Variants in STX2 observed in about 807,000 individuals in gnomAD.
STX2 encodes the protein syntaxin 2, also known as syntaxin-2.
Under a neutral mutation model 40.6 loss-of-function variants are expected in STX2, and 27 were observed. That is an observed-to-expected ratio of 0.66 (90% CI 0.49 to 0.92). The LOEUF (loss-of-function observed/expected upper bound fraction) is 0.92, where lower values mean the gene tolerates loss of function less well. Among genes scored for constraint, STX2 ranks in the 40% least tolerant of loss-of-function variants. STX2 has a pLI of 0.00. For missense variants in STX2, 328 were observed against 366.1 expected (o/e 0.90, Z 0.85); for synonymous variants, 123 against 119.1 (o/e 1.03, Z -0.22).
chr12:130,798,350 T>G (rs1260384443), intron 9 of STX2, 175 bp downstream of exon 9: 1 of 464,502 alleles, frequency 2.2e-6, no homozygotes, highest in Non-Finnish European at 3.6e-6. Flanking sequence ...TACAAATAAT[T>G]CATCTAATAA....
chr12:130,827,024 G>A (rs1952339845), intron 2 of STX2, among the ~76,000 whole-genome samples, 169 bp downstream of exon 2: 1 of 135,654 alleles, frequency 7.4e-6, no homozygotes, highest in African/African-American at 2.7e-5. Context: ...ACAAGAAAAA[G>A]AAAAGGAAAA....
chr12:130,831,574 G>C (rs1436796974), intron 1 of STX2, among the ~76,000 whole-genome samples: 1 of 152,100 alleles, frequency 6.6e-6, no homozygotes. Context: ...GGAGACTGAG[G>C]CTGTAGTGAG....
At chr12:130,814,516 C>A (rs928593509) in intron 3 of STX2, among the ~76,000 whole-genome samples, 2 of 151,636 alleles carry the variant, frequency 1.3e-5, no homozygotes, top group Admixed American at 1.3e-4. Flanking sequence ...TACAGGCTGC[C>A]TGGGCAGGAG....
chr12:130,829,507 C>T (rs1351645851), intron 1 of STX2, among the ~76,000 whole-genome samples: 1 of 124,302 alleles, frequency 8.0e-6, no homozygotes, highest in Non-Finnish European at 1.8e-5. Context: ...AGCTGTGCTG[C>T]GGAGCCCCAC....
chr12:130,805,595 G>A (rs1951402179), intron 6 of STX2, among the ~76,000 whole-genome samples: 1 of 152,210 alleles, frequency 6.6e-6, no homozygotes, highest in Admixed American at 6.5e-5. Context: ...AGGGTGCCAT[G>A]AGGTTCACGG....
chr12:130,807,175 C>A, intron 5 of STX2, 85 bp from the exon 6 acceptor site: 2 of 1,288,232 alleles, frequency 1.6e-6, no homozygotes, highest in South Asian at 2.4e-5. Context: ...TTTGGAAACT[C>A]AAACTACATG....
intron 3 of STX2, among the ~76,000 whole-genome samples, chr12:130,820,820 G>C (rs1354094458): frequency 6.6e-6 from 1 of 152,210 alleles, no homozygotes; most frequent in East Asian, 1.9e-4. Context: ...AAGGCGGCCT[G>C]TGTCGTGGAG....
intron 3 of STX2, among the ~76,000 whole-genome samples, chr12:130,817,339 C>A (rs935351555): frequency 3.9e-5 from 6 of 152,124 alleles, no homozygotes; most frequent in African/African-American, 1.2e-4. Context: ...AAGAAAGATT[C>A]CCTGACCTGA....
chr12:130,823,985 T>C (rs1024309662), intron 2 of STX2, among the ~76,000 whole-genome samples: 1 of 152,200 alleles, frequency 6.6e-6, no homozygotes, highest in Non-Finnish European at 1.5e-5. Flanking sequence ...ATGATCATCT[T>C]AGTATTACTT....
chr12:130,795,993 A>G lies in STX2; in HGVS notation c.*45+2T>C. ...AAGTAAATTAGTTGATGAGTTACTTACTCCCACCCTGGCAGAGAGGCATGC... is the reference window on the plus strand; with the variant it reads ...AAGTAAATTAGTTGATGAGTTACTTGCTCCCACCCTGGCAGAGAGGCATGC... On this transcript the variant is annotated splice_donor_variant, in intron 10 of 10. Coordinates refer to ENST00000392373, the MANE Select transcript of STX2 (RefSeq NM_194356.4). LOFTEE classifies it low-confidence loss of function (3UTR_SPLICE). The G allele has an allele frequency of 6.3e-7, 1 of 1,599,174 alleles. No homozygotes were observed. Among genetic ancestry groups the G allele is most frequent in the Admixed American group, 1.8e-5 (1 of 56,394 alleles).
chr12:130,798,751 T>A (rs1951116758), intron 8 of STX2, 116 bp from the exon 9 acceptor site: 2 of 645,146 alleles, frequency 3.1e-6, no homozygotes, highest in Non-Finnish European at 4.8e-6. Context: ...TAATGGATAC[T>A]GAGGGTTTTT....
intron 4 of STX2, chr12:130,812,013 T>A (rs1951678598): frequency 4.9e-6 from 1 of 204,134 alleles, no homozygotes. Flanking sequence ...GCTGCAGAGG[T>A]AAAATCAGCA....
At chr12:130,813,996 C>G (rs897046610) in intron 3 of STX2, among the ~76,000 whole-genome samples, 1 of 152,218 alleles carries the variant, frequency 6.6e-6, no homozygotes, top group Non-Finnish European at 1.5e-5. Context: ...GATGCCCACT[C>G]TCTTCCTGAC....
intron 3 of STX2, among the ~76,000 whole-genome samples, chr12:130,816,158 A>ATT (rs1951850886): frequency 6.6e-6 from 1 of 152,186 alleles, no homozygotes; most frequent in South Asian, 2.1e-4. Context: ...CAGCAAGGGC[A>ATT]TTTGTGCAGG....
chr12:130,814,627 CTTTTTTTTTTTTTT>C (rs5801936), intron 3 of STX2, among the ~76,000 whole-genome samples: 3 of 49,224 alleles, frequency 6.1e-5, no homozygotes, highest in African/African-American at 1.7e-4. Flanking sequence ...ATTAGAAAGA[CTTTTTTTTTTTTTT>C]TTTTTTTTTT....
chr12:130,823,633 G>A (rs1952195805), intron 2 of STX2, among the ~76,000 whole-genome samples: 1 of 152,220 alleles, frequency 6.6e-6, no homozygotes, highest in Non-Finnish European at 1.5e-5. Flanking sequence ...GGAGAGGAAG[G>A]CAGCTCCAGG....
At chr12:130,832,946 C>T (rs1216147320) in intron 1 of STX2, among the ~76,000 whole-genome samples, 1 of 152,202 alleles carries the variant, frequency 6.6e-6, no homozygotes, top group African/African-American at 2.4e-5. Flanking sequence ...CTGACCCACC[C>T]GGCCAAGGCA....
intron 2 of STX2, among the ~76,000 whole-genome samples, chr12:130,822,743 A>G (rs1229830015): frequency 6.6e-6 from 1 of 152,202 alleles, no homozygotes; most frequent in Non-Finnish European, 1.5e-5. Flanking sequence ...TGAATTCTCC[A>G]GTTTGGTCCT....
At chr12:130,808,036 T>A (rs186974077) in intron 5 of STX2, among the ~76,000 whole-genome samples, 137 of 152,170 alleles carry the variant, frequency 9.0e-4, no homozygotes, top group African/African-American at 3.3e-3. Context: ...CTGCAGAATC[T>A]CACCCTGACA....
Sources: allele counts gnomAD v4.1 joint callset (sites outside exome capture counted in the v4.1 genomes callset), GRCh38; gene constraint gnomAD v4.1.1; transcripts MANE v1.5; gene names NCBI Gene and HGNC (gene_info 2026-07-23, HGNC 2026-07-21).